KCNQ1OT1: variants seen among roughly 807,000 people sequenced by gnomAD.
KCNQ1OT1 encodes the protein KCNQ1 antisense RNA 2 (non-protein coding).
exon 1 of KCNQ1OT1, chr11:2,694,434 A>G (rs919812660): frequency 5.0e-6 from 2 of 398,554 alleles, no homozygotes; most frequent in African/African-American, 4.1e-5. Context: ...GGTGCTAAAC[A>G]TCTTACAATA....
exon 1 of KCNQ1OT1, chr11:2,660,217 C>T: frequency 2.5e-6 from 1 of 397,952 alleles, no homozygotes. Flanking sequence ...GTATGTAGTA[C>T]CCTTTAAATT....
At chr11:2,660,144 T>G in exon 1 of KCNQ1OT1, 1 of 398,448 alleles carries the variant, frequency 2.5e-6, no homozygotes, top group East Asian at 3.6e-5. Flanking sequence ...GATTTTCTCT[T>G]ATGTTTTCTT....
chr11:2,655,960 C>T (rs984421794), exon 1 of KCNQ1OT1: 11 of 398,614 alleles, frequency 2.8e-5, no homozygotes, highest in African/African-American at 1.4e-4. Context: ...AGGTGCAGGT[C>T]CCACCCACTC....
At position 2,677,819 on chromosome 11, in the gene KCNQ1OT1, G is replaced by C; in HGVS notation, n.22176C>G. On this transcript the variant is annotated non_coding_transcript_exon_variant, in exon 1 of 1. Coordinates refer to ENST00000597346, the Ensembl canonical transcript of KCNQ1OT1. This position sits in a 1 kb window ranked among gnomAD's most constrained non-coding sequence, Gnocchi z 4.5. ...GGATTAAAATGTTCATTTATGTTGT[G>C]ATAGATACTGCCAAATAAGGGCTGT... 2.5e-6 allele frequency: 1 copy of C among 398,392 alleles called. No homozygotes were observed. The highest frequency in any genetic ancestry group is 3.6e-5 in the East Asian group (1 of 28,038). The allele number at this position is 398,392 out of a possible 1,614,324, so 24.7% of individuals were successfully genotyped here.
exon 1 of KCNQ1OT1, chr11:2,643,922 T>C (rs1849621322): frequency 7.5e-6 from 3 of 398,500 alleles, no homozygotes; most frequent in South Asian, 2.5e-4. Context: ...ACTCTGCGTA[T>C]ATAATCCCAT....
At position 2,679,864 on chromosome 11, in the gene KCNQ1OT1, A is replaced by G. The variant is rs189158916; in HGVS notation, n.20131T>C. The G allele has an allele frequency of 3.3e-5, 13 of 398,472 alleles. No individual in the cohort carries two copies. The Middle Eastern group carries it at 1.9e-3, about 58-fold the overall frequency. 24.7% of individuals were successfully genotyped at this position (398,472 alleles called of 1,614,324 possible). ...TATAGGACATGCATTTTTTTCATATAAACTTAGAACTAGCACGCCTAATTT... is the reference window on the plus strand; with the variant it reads ...TATAGGACATGCATTTTTTTCATATGAACTTAGAACTAGCACGCCTAATTT... On this transcript the variant is annotated non_coding_transcript_exon_variant, in exon 1 of 1. Coordinates refer to ENST00000597346, the Ensembl canonical transcript of KCNQ1OT1. The surrounding 1 kb of genome is among the most constrained non-coding windows in gnomAD (Gnocchi z 4.8).
chr11:2,633,509 G>A, exon 1 of KCNQ1OT1: 1 of 398,502 alleles, frequency 2.5e-6, no homozygotes, highest in Non-Finnish European at 4.4e-6. Flanking sequence ...CAGGTCTCAT[G>A]TTTAAGTCTC....
exon 1 of KCNQ1OT1, chr11:2,672,887 G>T: frequency 2.5e-6 from 1 of 398,734 alleles, no homozygotes; most frequent in Non-Finnish European, 4.4e-6. Flanking sequence ...ACTGTCAGGG[G>T]AGCAGTATGT....
rs1848972718 is a variant in KCNQ1OT1, at chr11:2,611,016, C to T, written n.88979G>A. The T allele has an allele frequency of 7.5e-6, 3 of 398,316 alleles. No homozygotes were observed. The highest frequency in any genetic ancestry group is 8.8e-5 in the Admixed American group (2 of 22,702). 24.7% of individuals were successfully genotyped at this position (398,316 alleles called of 1,614,324 possible). On this transcript the variant is annotated non_coding_transcript_exon_variant, in exon 1 of 1. Coordinates refer to ENST00000597346, the Ensembl canonical transcript of KCNQ1OT1. The surrounding 1 kb of genome is among the most constrained non-coding windows in gnomAD (Gnocchi z 5.3). ...GAGTTGTCTATTATTGTTCAGTTGTCTGTTTCTCTCTTCATTTCTGACAGT... is the reference window on the plus strand; with the variant it reads ...GAGTTGTCTATTATTGTTCAGTTGTTTGTTTCTCTCTTCATTTCTGACAGT...
chr11:2,631,210 T>C (rs1849347282), exon 1 of KCNQ1OT1: 1 of 398,554 alleles, frequency 2.5e-6, no homozygotes, highest in Non-Finnish European at 4.4e-6. Context: ...CTTCTATAAA[T>C]CCTGTGTGAA....
chr11:2,611,446 G>C lies in KCNQ1OT1; in HGVS notation n.88549C>G, dbSNP rs1014074080. 2 of 397,566 alleles carry C rather than the reference G, an allele frequency of 5.0e-6. No homozygotes were observed. The highest frequency in any genetic ancestry group is 8.9e-6 in the Non-Finnish European group (2 of 225,982). 24.6% of individuals were successfully genotyped at this position (397,566 alleles called of 1,614,324 possible). On this transcript the variant is annotated non_coding_transcript_exon_variant, in exon 1 of 1. Coordinates refer to ENST00000597346, the Ensembl canonical transcript of KCNQ1OT1. This position sits in a 1 kb window ranked among gnomAD's most constrained non-coding sequence, Gnocchi z 5.3. Reference sequence around the variant, plus strand: ...AGGCTGGTCTTGAACTCCTGACCTCGAGTGATCTGTCTGCCTCAGCCTCCC... The same window carrying C: ...AGGCTGGTCTTGAACTCCTGACCTCCAGTGATCTGTCTGCCTCAGCCTCCC...
exon 1 of KCNQ1OT1, chr11:2,699,981 G>C: frequency 2.5e-6 from 1 of 398,320 alleles, no homozygotes; most frequent in Non-Finnish European, 4.4e-6. Flanking sequence ...CTGAGGCGAC[G>C]CGGCGACCGT....
At position 2,676,753 on chromosome 11, in the gene KCNQ1OT1, G is replaced by T. The variant is rs183543407; in HGVS notation, n.23242C>A. The T allele has an allele frequency of 1.5e-5, 6 of 398,650 alleles. No individual in the cohort carries two copies. The allele number at this position is 398,650 out of a possible 1,614,324, so 24.7% of individuals were successfully genotyped here. A position where few individuals can be genotyped will look rare whatever the true frequency, so the allele number is the denominator to read the frequency against. Reference sequence around the variant, plus strand: ...GTGGCTTTGGGTACGATGGTCTGCTGTATGAAGCAACCCTAGGACATTTGA... The same window carrying T: ...GTGGCTTTGGGTACGATGGTCTGCTTTATGAAGCAACCCTAGGACATTTGA... On this transcript the variant is annotated non_coding_transcript_exon_variant, in exon 1 of 1. Transcript: ENST00000597346. The surrounding 1 kb of genome is among the most constrained non-coding windows in gnomAD (Gnocchi z 4.2).
At position 2,677,063 on chromosome 11, in the gene KCNQ1OT1, C is replaced by A; in HGVS notation, n.22932G>T. The A allele has an allele frequency of 2.5e-6, 1 of 398,574 alleles. No homozygotes were observed. The highest frequency in any genetic ancestry group is 4.4e-6 in the Non-Finnish European group (1 of 226,060). 24.7% of individuals were successfully genotyped at this position (398,574 alleles called of 1,614,324 possible). ...ATGTAGGGCAGCTAAAAAACAGCAG[C>A]CATTAACCATTCAAATATATTCACT... On this transcript the variant is annotated non_coding_transcript_exon_variant, in exon 1 of 1. Transcript: ENST00000597346. The surrounding 1 kb of genome is among the most constrained non-coding windows in gnomAD (Gnocchi z 4.5).
rs552844474 is a variant in KCNQ1OT1, at chr11:2,613,163, A to T, written n.86832T>A. On this transcript the variant is annotated non_coding_transcript_exon_variant, in exon 1 of 1. Coordinates refer to ENST00000597346, the Ensembl canonical transcript of KCNQ1OT1. This position sits in a 1 kb window ranked among gnomAD's most constrained non-coding sequence, Gnocchi z 4.8. ...TGAGGGGATCTATGTGTGGGTTGGG[A>T]CATTCAAAGTTCAGGCACTTTATAA... The T allele has an allele frequency of 2.5e-6, 1 of 398,534 alleles. No homozygotes were observed. Among genetic ancestry groups the T allele is most frequent in the South Asian group, 1.3e-4 (1 of 7,856 alleles). The allele number at this position is 398,534 out of a possible 1,614,324, so 24.7% of individuals were successfully genotyped here.
exon 1 of KCNQ1OT1, chr11:2,699,383 C>G (rs1850733538): frequency 5.0e-6 from 2 of 400,472 alleles, no homozygotes; most frequent in East Asian, 3.6e-5. Flanking sequence ...CCGTGCTGAC[C>G]GTGTTCAAAC....
exon 1 of KCNQ1OT1, chr11:2,689,579 C>T: frequency 2.5e-6 from 1 of 398,658 alleles, no homozygotes; most frequent in Non-Finnish European, 4.4e-6. Context: ...AATCTGTTAG[C>T]AGTGGTGTCT....
chr11:2,618,133 T>C, exon 1 of KCNQ1OT1: 2 of 398,534 alleles, frequency 5.0e-6, no homozygotes, highest in Non-Finnish European at 8.8e-6. Flanking sequence ...CCCTATGTTT[T>C]CTTCTGGTTG....
At position 2,627,413 on chromosome 11, in the gene KCNQ1OT1, C is replaced by A; in HGVS notation, n.72582G>T. 2.5e-6 allele frequency: 1 copy of A among 398,442 alleles called. No homozygotes were observed. Among genetic ancestry groups the A allele is most frequent in the Non-Finnish European group, 4.4e-6 (1 of 226,028 alleles). The allele number at this position is 398,442 out of a possible 1,614,324, so 24.7% of individuals were successfully genotyped here. On this transcript the variant is annotated non_coding_transcript_exon_variant, in exon 1 of 1. Coordinates refer to ENST00000597346, the Ensembl canonical transcript of KCNQ1OT1. The surrounding 1 kb of genome is among the most constrained non-coding windows in gnomAD (Gnocchi z 4.9). ...CTGGACGTTATGTCAAGAACTTATT[C>A]ATCTGATAACTCTATGTTTGTACCC...
Sources: gnomAD v4.1 joint callset for allele counts on GRCh38, gnomAD v4.1.1 for gene constraint, Gnocchi (gnomAD v3.1) non-coding constraint, MANE v1.5 for transcripts, NCBI Gene and HGNC (gene_info 2026-07-23, HGNC 2026-07-21) for gene names.